The following RGSL1 variants were observed in gnomAD, a reference collection of about 807,000 sequenced individuals.
The protein encoded by RGSL1 is regulator of G protein signaling like 1.
Under a neutral mutation model 124.7 loss-of-function variants are expected in RGSL1, and 97 were observed. That is an observed-to-expected ratio of 0.78 (90% CI 0.66 to 0.92). The LOEUF is 0.92. Ranked by LOEUF, RGSL1 falls within the 40% of genes least tolerant of loss-of-function variation. RGSL1 has a pLI of 0.00. For synonymous variants in RGSL1, 424 were observed against 438.1 expected (o/e 0.97, Z 0.40); for missense variants, 1,233 against 1,288.4 (o/e 0.96, Z 0.66).
At chr1:182,451,382 T>G (rs567023322) in intron 1 of RGSL1, among the ~76,000 whole-genome samples, 1 of 152,160 alleles carries the variant, frequency 6.6e-6, no homozygotes, top group Admixed American at 6.5e-5. Flanking sequence ...AGGGAGATAG[T>G]GATGAATTCT....
intron 2 of RGSL1, among the ~76,000 whole-genome samples, chr1:182,456,828 G>A (rs148590313): frequency 1.1e-3 from 175 of 152,188 alleles, no homozygotes; most frequent in South Asian, 6.2e-3. Flanking sequence ...CATAGTCACC[G>A]TGTGAAGTAG....
rs1382690005 is a variant in RGSL1 at position 182,522,079 on chromosome 1, C to T, written c.1901C>T (p.Thr634Ile). The change falls in exon 10 of 22, where the codon ACT becomes ATT. Residue 634 changes from threonine to isoleucine, a missense_variant. Physicochemically the swap from Thr to Ile is moderately conservative, Grantham distance 89. Transcript: ENST00000294854. Reference sequence around the variant, plus strand: ...AGGAAAATGTCCTTGCTCAAAAGAACTCTTGTAAGGAAGCCATCAATGAGA... The same window carrying T: ...AGGAAAATGTCCTTGCTCAAAAGAATTCTTGTAAGGAAGCCATCAATGAGA... ...SNRKMSLLKR[T>I]LVRKPSMRPR... The T allele has an allele frequency of 3.9e-6, 6 of 1,550,050 alleles. No homozygotes were observed. Among genetic ancestry groups the T allele is most frequent in the East Asian group, 4.9e-5 (2 of 40,860 alleles).
intron 2 of RGSL1, among the ~76,000 whole-genome samples, chr1:182,454,643 G>T (rs1652146051): frequency 6.6e-6 from 1 of 151,608 alleles, no homozygotes; most frequent in Non-Finnish European, 1.5e-5. Flanking sequence ...AGTAGATTAT[G>T]AGACAGTGAA....
chr1:182,523,161 C>T (rs1007225753), intron 10 of RGSL1, among the ~76,000 whole-genome samples: 8 of 151,376 alleles, frequency 5.3e-5, no homozygotes, highest in Admixed American at 1.3e-4. Flanking sequence ...TTCAGCCTCC[C>T]GAGTAGCTGG....
chr1:182,468,472 A>G (rs1263645048), intron 4 of RGSL1, among the ~76,000 whole-genome samples: 1 of 152,240 alleles, frequency 6.6e-6, no homozygotes, highest in Non-Finnish European at 1.5e-5. Flanking sequence ...TTGTAGGGAC[A>G]TGGATGAAGC....
chr1:182,519,067 T>C (rs1356014110), intron 9 of RGSL1, among the ~76,000 whole-genome samples: 1 of 152,154 alleles, frequency 6.6e-6, no homozygotes, highest in Non-Finnish European at 1.5e-5. Flanking sequence ...GTTTTCTTCT[T>C]ATTTTAGTGA....
intron 14 of RGSL1, among the ~76,000 whole-genome samples, chr1:182,539,981 A>G (rs903926816): frequency 6.6e-6 from 1 of 152,216 alleles, no homozygotes; most frequent in Non-Finnish European, 1.5e-5. Flanking sequence ...CTTAGGGATT[A>G]GCGTAACTGT....
chr1:182,462,126 T>C (rs1416544155), intron 4 of RGSL1, among the ~76,000 whole-genome samples: 1 of 152,126 alleles, frequency 6.6e-6, no homozygotes, highest in Non-Finnish European at 1.5e-5. Flanking sequence ...AGAGAAATTA[T>C]TCATCACTTT....
Position 182,540,323 on chromosome 1 carries a change from T to G in RGSL1, c.2571T>G (p.Asn857Lys). 1 of 1,551,516 alleles carries G rather than the reference T, an allele frequency of 6.4e-7. No individual in the cohort carries two copies. Among genetic ancestry groups the G allele is most frequent in the Non-Finnish European group, 8.7e-7 (1 of 1,146,800 alleles). The change falls in exon 15 of 22, where the codon AAT becomes AAG. Residue 857 changes from asparagine (N) to lysine (K), a missense_variant. Physicochemically the swap from Asn to Lys is moderately conservative, Grantham distance 94 (BLOSUM62 0). Transcript: ENST00000294854. The stretch of plus-strand genomic sequence containing the variant: ...ATGTCCGGAGTGCAGACCAAGAGAA[T>G]GGAGAAATAACCCTTGTAAAGCGTC... Reference protein sequence around the residue: ...STNVRSADQENGEITLVKRRI... With the variant: ...STNVRSADQEKGEITLVKRRI...
rs899232751 is a variant in RGSL1 at position 182,548,988 on chromosome 1, C to T, written c.2933+164C>T. ...TATTCACCTCACTCCATCCCTCACA[C>T]AGAACACCAAACACTGAATCCACAG... On this transcript the variant is annotated intron_variant, in intron 17 of 21. Transcript: ENST00000294854. 3 of 802,674 alleles carry T rather than the reference C, an allele frequency of 3.7e-6. 1 individual carries two copies. The African/African-American group carries it at 5.2e-5, about 14-fold the overall frequency. The allele number at this position is 802,674 out of a possible 1,614,324, so 49.7% of individuals were successfully genotyped here. A position where few individuals can be genotyped will look rare whatever the true frequency, so the allele number is the denominator to read the frequency against.
chr1:182,521,404 T>C (rs905557527), intron 9 of RGSL1, among the ~76,000 whole-genome samples: 2 of 152,364 alleles, frequency 1.3e-5, no homozygotes, highest in South Asian at 2.1e-4. Context: ...GGGAGAATAA[T>C]GGTTTCTAAA....
At chr1:182,520,048 G>A (rs1658217020) in intron 9 of RGSL1, among the ~76,000 whole-genome samples, 1 of 151,862 alleles carries the variant, frequency 6.6e-6, no homozygotes, top group Non-Finnish European at 1.5e-5. Context: ...TTGGTTTTTG[G>A]TGAAGTCTTT....
intron 10 of RGSL1, 114 bp from the exon 11 acceptor site, chr1:182,527,465 C>T (rs1658833321): frequency 1.2e-6 from 1 of 818,644 alleles, no homozygotes; most frequent in Non-Finnish European, 1.9e-6. Flanking sequence ...ATGCTTTTCA[C>T]ATATGGCTAA....
intron 8 of RGSL1, among the ~76,000 whole-genome samples, chr1:182,492,698 G>A (rs112245558): frequency 2.9e-4 from 44 of 149,450 alleles, no homozygotes; most frequent in African/African-American, 9.6e-4. Context: ...GCCCAATCTC[G>A]GCTCACTACA....
intron 6 of RGSL1, among the ~76,000 whole-genome samples, chr1:182,486,560 C>G (rs914401165): frequency 6.6e-6 from 1 of 152,034 alleles, no homozygotes. Context: ...GTTGCCCAGG[C>G]TGGTCTCAAA....
At chr1:182,513,845 G>T (rs1657654572) in intron 9 of RGSL1, among the ~76,000 whole-genome samples, 1 of 151,630 alleles carries the variant, frequency 6.6e-6, no homozygotes, top group African/African-American at 2.4e-5. Flanking sequence ...CTTTACCAAG[G>T]CTCCTCTTAG....
chr1:182,559,998 A>G (rs550912461), intron 21 of RGSL1, among the ~76,000 whole-genome samples: 11 of 152,354 alleles, frequency 7.2e-5, no homozygotes, highest in African/African-American at 2.4e-4. Flanking sequence ...CACCTTACCT[A>G]GCACAGTGAC....
At chr1:182,471,769 T>A (rs568751636) in intron 4 of RGSL1, among the ~76,000 whole-genome samples, 1 of 152,276 alleles carries the variant, frequency 6.6e-6, no homozygotes, top group African/African-American at 2.4e-5. Flanking sequence ...GAAGACTGGC[T>A]TCTGTTCTAT....
At chr1:182,553,415 G>T in intron 18 of RGSL1, 40 bp from the exon 19 acceptor site, 1 of 1,454,260 alleles carries the variant, frequency 6.9e-7, no homozygotes, top group South Asian at 1.2e-5. Flanking sequence ...AGTAGGAGTT[G>T]TCGCAGGTGT....
Sources: allele counts gnomAD v4.1 joint callset (sites outside exome capture counted in the v4.1 genomes callset), GRCh38; gene constraint gnomAD v4.1.1; transcripts MANE v1.5; gene names NCBI Gene and HGNC (gene_info 2026-07-23, HGNC 2026-07-21).